PTGER3: variants seen among roughly 807,000 people sequenced by gnomAD.
PTGER3 encodes the protein prostaglandin E receptor 3.
PTGER3 carries 22 observed loss-of-function variants against 34.7 expected under a neutral mutation model. The ratio of observed to expected loss-of-function variants is 0.63; its 90% CI spans 0.45 to 0.91. The LOEUF is 0.91. Ranked by LOEUF, PTGER3 falls within the 40% of genes least tolerant of loss-of-function variation. The pLI, the probability that PTGER3 is intolerant of heterozygous loss-of-function variation, is 0.00. For missense variants in PTGER3, 468 were observed against 519.4 expected (o/e 0.90, Z 0.96); for synonymous variants, 241 against 230.1 (o/e 1.05, Z -0.43).
intron 2 of PTGER3, among the ~76,000 whole-genome samples, chr1:70,984,326 G>T (rs150175863): frequency 6.6e-6 from 1 of 151,628 alleles, no homozygotes; most frequent in African/African-American, 2.4e-5. Context: ...GATGGAGATT[G>T]CAGTGAGCCA....
intron 2 of PTGER3, among the ~76,000 whole-genome samples, chr1:71,004,802 C>T (rs1267750708): frequency 6.6e-6 from 1 of 152,208 alleles, no homozygotes; most frequent in Non-Finnish European, 1.5e-5. Flanking sequence ...ATTATGGAAG[C>T]TGATCAGGGC....
At chr1:70,893,427 C>T (rs1023338775) in intron 4 of PTGER3, among the ~76,000 whole-genome samples, 3 of 152,162 alleles carry the variant, frequency 2.0e-5, no homozygotes, top group African/African-American at 7.2e-5. Flanking sequence ...AGGACAAGGC[C>T]AATGTCCTGG....
chr1:70,939,274 G>A (rs904008667), intron 4 of PTGER3, among the ~76,000 whole-genome samples: 8 of 152,232 alleles, frequency 5.3e-5, no homozygotes, highest in African/African-American at 1.7e-4. Context: ...GTCTTGGGCA[G>A]CTCCACTTCT....
intron 3 of PTGER3, among the ~76,000 whole-genome samples, chr1:70,973,875 G>A (rs1355214889): frequency 1.3e-5 from 2 of 151,262 alleles, no homozygotes; most frequent in Non-Finnish European, 3.0e-5. Flanking sequence ...TGAAGTACAT[G>A]TTTTATTCAA....
At chr1:71,027,317 G>C (rs1196314621) in intron 1 of PTGER3, among the ~76,000 whole-genome samples, 2 of 152,046 alleles carry the variant, frequency 1.3e-5, no homozygotes, top group Non-Finnish European at 2.9e-5. Flanking sequence ...ACCATGCCGG[G>C]TTAATTTTTT....
chr1:70,852,543 C>A, exon 5 of PTGER3: 1 of 431,116 alleles, frequency 2.3e-6, no homozygotes, highest in Non-Finnish European at 4.1e-6. Flanking sequence ...TCTCAAGAAA[C>A]ATAATTTTCA....
rs1433550224 is a variant in PTGER3, at chr1:70,864,446, T to C, written c.*24-11587A>G. Among the ~76,000 whole-genome samples the C allele has an allele frequency of 2.6e-5, 4 of 152,076 alleles. No homozygotes were observed. The East Asian group carries it at 5.8e-4, about 22-fold the overall frequency. On this transcript the variant is annotated intron_variant, in intron 4 of 4. Transcript: ENST00000370931. ...AATGAAGGAGCTGTGATAGTTACCA[T>C]AGAAAAAAATTAAACACGGAGGACA...
chr1:70,953,809 G>T, intron 2 of PTGER3: 1 of 1,223,056 alleles, frequency 8.2e-7, no homozygotes. Flanking sequence ...AGTAATAACA[G>T]TATAAGCTTG....
At chr1:70,931,475 G>T (rs1289823378) in intron 4 of PTGER3, among the ~76,000 whole-genome samples, 1 of 152,206 alleles carries the variant, frequency 6.6e-6, no homozygotes, top group African/African-American at 2.4e-5. Flanking sequence ...CCTAACAAAG[G>T]CTCTCCATGA....
intron 4 of PTGER3, among the ~76,000 whole-genome samples, chr1:70,900,491 A>G (rs796671560): frequency 2.7e-4 from 41 of 152,278 alleles, no homozygotes; most frequent in African/African-American, 9.6e-4. Flanking sequence ...GTATGCTTTT[A>G]TATCTCTTTT....
At chr1:70,909,924 A>G (rs866574169) in intron 4 of PTGER3, among the ~76,000 whole-genome samples, 2 of 152,206 alleles carry the variant, frequency 1.3e-5, no homozygotes, top group South Asian at 2.1e-4. Context: ...TCACTTACCC[A>G]CTATGGGTTC....
intron 4 of PTGER3, among the ~76,000 whole-genome samples, chr1:70,932,722 T>C (rs1286521829): frequency 6.6e-6 from 1 of 152,152 alleles, no homozygotes; most frequent in Non-Finnish European, 1.5e-5. Context: ...GTGGGAATTA[T>C]GGGAGTACAA....
chr1:70,881,075 A>G (rs1646381492), intron 4 of PTGER3, among the ~76,000 whole-genome samples: 2 of 152,304 alleles, frequency 1.3e-5, no homozygotes, highest in South Asian at 4.1e-4. Context: ...GTCTCTTTAC[A>G]TAATCCCATA....
intron 4 of PTGER3, among the ~76,000 whole-genome samples, chr1:70,940,611 T>C (rs1002432166): frequency 2.0e-4 from 30 of 151,640 alleles, no homozygotes; most frequent in Non-Finnish European, 3.5e-4. Context: ...AAGAGAAAAA[T>C]GAGGAAGAAG....
At chr1:70,906,379 T>C (rs1646948452) in intron 4 of PTGER3, among the ~76,000 whole-genome samples, 1 of 152,188 alleles carries the variant, frequency 6.6e-6, no homozygotes, top group Non-Finnish European at 1.5e-5. Flanking sequence ...CTGGGGAACT[T>C]GAAAAAGTCA....
intron 2 of PTGER3, chr1:71,009,003 T>C (rs1657211604): frequency 3.0e-6 from 3 of 984,012 alleles, no homozygotes; most frequent in Non-Finnish European, 3.6e-6. Flanking sequence ...AAGTTTTCTA[T>C]TTTCTTTTTC....
At chr1:70,992,449 C>G (rs1469650166) in intron 2 of PTGER3, among the ~76,000 whole-genome samples, 1 of 152,224 alleles carries the variant, frequency 6.6e-6, no homozygotes, top group Non-Finnish European at 1.5e-5. Flanking sequence ...GCCTAGGCTG[C>G]TGTTATAGCG....
chr1:71,007,286 A>C (rs560284107), intron 2 of PTGER3: 1 of 985,672 alleles, frequency 1.0e-6, no homozygotes, highest in East Asian at 1.1e-4. Flanking sequence ...TGCCTATTTT[A>C]ATTGGTTTGC....
intron 2 of PTGER3, among the ~76,000 whole-genome samples, chr1:70,985,344 T>TA (rs1191754104): frequency 6.6e-6 from 1 of 152,040 alleles, no homozygotes; most frequent in Non-Finnish European, 1.5e-5. Flanking sequence ...CCCTGGGGCT[T>TA]ATGGAAGGCA....
Sources: gnomAD v4.1 joint callset for allele counts (sites outside exome capture counted in the v4.1 genomes callset) on GRCh38, gnomAD v4.1.1 for gene constraint, MANE v1.5 for transcripts, NCBI Gene and HGNC (gene_info 2026-07-23, HGNC 2026-07-21) for gene names.